CEP89: variants seen among roughly 807,000 people sequenced by gnomAD.
CEP89 encodes centrosomal protein of 89 kDa.
Under a neutral mutation model 97.6 loss-of-function variants are expected in CEP89, and 95 were observed. The observed-to-expected ratio is 0.97, with a 90% CI of 0.82 to 1.15. The LOEUF (loss-of-function observed/expected upper bound fraction) is 1.15, where lower values mean the gene tolerates loss of function less well. Among genes scored for constraint, CEP89 ranks in the 50% most tolerant of loss-of-function variants. The pLI, the probability that CEP89 is intolerant of heterozygous loss-of-function variation, is 0.00. For synonymous variants in CEP89, 354 were observed against 349.1 expected (o/e 1.01, Z -0.16); for missense variants, 869 against 947.7 (o/e 0.92, Z 1.09).
At position 32,954,031 on chromosome 19, in the gene CEP89, G is replaced by C. The variant is rs190772845; in HGVS notation, c.306-230C>G. ...CTACAGGTGCCCACCACCGCGCCTGGCTAATTTTTTTTTTTGTATTTTTAG... is the reference window on the plus strand; with the variant it reads ...CTACAGGTGCCCACCACCGCGCCTGCCTAATTTTTTTTTTTGTATTTTTAG... On this transcript the variant is annotated intron_variant, in intron 3 of 18. Transcript: ENST00000305768. 1.5e-4 allele frequency among the ~76,000 whole-genome samples: 23 copies of C among 152,026 alleles called. No individual in the cohort carries two copies. The East Asian group carries it at 4.5e-3, about 29-fold the overall frequency.
At chr19:32,895,998 T>C (rs1358683631) in intron 16 of CEP89, among the ~76,000 whole-genome samples, 2 of 152,218 alleles carry the variant, frequency 1.3e-5, no homozygotes. Flanking sequence ...CATCCCATGA[T>C]CATGGATGCG....
At chr19:32,931,645 C>A in intron 8 of CEP89, 74 bp from the exon 9 acceptor site, 1 of 1,299,562 alleles carries the variant, frequency 7.7e-7, no homozygotes, top group South Asian at 1.4e-5. Flanking sequence ...AATTGCAAAT[C>A]GTTTGCTTTT....
rs190190092 is a variant in CEP89, at chr19:32,918,582, T to C, written c.1269-243A>G. ...GCTTTCAGATGTAAAATTTCAAACA[T>C]GTACAGAAGTAAAGAGGATAGAGTA... is the stretch of plus-strand genomic sequence containing the variant. On this transcript the variant is annotated intron_variant, in intron 12 of 18. Transcript: ENST00000305768. 4.6e-3 allele frequency among the ~76,000 whole-genome samples: 699 copies of C among 152,252 alleles called. 4 individuals are homozygous for C. The highest frequency in any genetic ancestry group is 0.016 in the African/African-American group (678 of 41,560).
chr19:32,933,545 C>T lies in CEP89; in HGVS notation c.792G>A (p.Met264Ile), dbSNP rs773167783. Reference sequence around the variant, plus strand: ...ACTGTAGTTCTTTCATTGCTTGTTTCATTGTGTTTAGTTCAAGGGTAAGGC... The same window carrying T: ...ACTGTAGTTCTTTCATTGCTTGTTTTATTGTGTTTAGTTCAAGGGTAAGGC... ...NQSLTLELNT[M>I]KQAMKELQLK... Residue 264 changes from methionine (M) to isoleucine (I), a missense_variant, in exon 8 of 19, where the codon ATG (methionine) becomes ATA (isoleucine). Met to Ile is a conservative substitution (Grantham distance 10). Coordinates refer to ENST00000305768, the MANE Select transcript of CEP89 (RefSeq NM_032816.5). The T allele has an allele frequency of 1.2e-6, 2 of 1,613,632 alleles. No homozygotes were observed. The highest frequency in any genetic ancestry group is 3.3e-5 in the Admixed American group (2 of 59,980).
Position 32,967,186 on chromosome 19 carries a change from T to C in CEP89, c.40-720A>G, listed in dbSNP as rs189592159. On this transcript the variant is annotated intron_variant, in intron 1 of 18. Transcript: ENST00000305768. ...ATTGAGCACATTGCCTCACACCTCATAGGGGCTTAATATAAGCTTTTAGGT... is the reference window on the plus strand; with the variant it reads ...ATTGAGCACATTGCCTCACACCTCACAGGGGCTTAATATAAGCTTTTAGGT... 1.6e-4 allele frequency among the ~76,000 whole-genome samples: 24 copies of C among 152,248 alleles called. No homozygotes were observed. In the East Asian group the frequency reaches 4.1e-3, roughly 26 times the overall value.
At chr19:32,953,864 T>TAA in intron 3 of CEP89, 63 bp from the exon 4 acceptor site, 1 of 925,256 alleles carries the variant, frequency 1.1e-6, no homozygotes, top group Non-Finnish European at 1.6e-6. Context: ...CACTGATAAA[T>TAA]ATCTTTTTTT....
intron 14 of CEP89, among the ~76,000 whole-genome samples, chr19:32,909,670 A>G (rs1205784738): frequency 6.6e-6 from 1 of 152,244 alleles, no homozygotes; most frequent in Non-Finnish European, 1.5e-5. Flanking sequence ...AATTTAAAAA[A>G]TATCACAAGG....
In CEP89 at chr19:32,933,461, C is replaced by T. The variant is rs777432263; in HGVS notation, c.876G>A (p.Ser292=). 28 of 1,613,308 alleles carry T rather than the reference C, an allele frequency of 1.7e-5. No individual in the cohort carries two copies. Among genetic ancestry groups the T allele is most frequent in the Middle Eastern group, 1.6e-4 (1 of 6,078 alleles). ...KRKLKEAEKA[S]SQEVAAPELL... ...TCTGTCTGTCCCCACCTTCCTGTGA[C>T]GACGCCTTCTCAGCCTCTTTGAGCT... Residue 292 remains serine, a synonymous_variant, in exon 8 of 19, where the codon TCG becomes TCA. Coordinates refer to ENST00000305768, the MANE Select transcript of CEP89 (RefSeq NM_032816.5).
chr19:32,901,495 T>A, intron 14 of CEP89, 83 bp from the exon 15 acceptor site: 2 of 1,415,922 alleles, frequency 1.4e-6, no homozygotes, highest in African/African-American at 2.9e-5. Flanking sequence ...AGATGAGTGA[T>A]AACAGCCCAG....
chr19:32,959,101 C>G (rs996733449), intron 3 of CEP89, among the ~76,000 whole-genome samples: 1 of 151,946 alleles, frequency 6.6e-6, no homozygotes, highest in Non-Finnish European at 1.5e-5. Context: ...CATCCCTGCC[C>G]CATGCACCCT....
chr19:32,884,189 T>C (rs1211103616), intron 17 of CEP89, among the ~76,000 whole-genome samples: 1 of 152,210 alleles, frequency 6.6e-6, no homozygotes, highest in African/African-American at 2.4e-5. Context: ...TCTCCCCCTT[T>C]TTTTTGGTGT....
chr19:32,890,009 T>A (rs1201533907), intron 16 of CEP89, among the ~76,000 whole-genome samples: 1 of 152,022 alleles, frequency 6.6e-6, no homozygotes, highest in African/African-American at 2.4e-5. Context: ...CCATGCTGTG[T>A]CAAAGTCAAA....
chr19:32,967,703 C>A (rs1013767455), intron 1 of CEP89, among the ~76,000 whole-genome samples: 1 of 152,170 alleles, frequency 6.6e-6, no homozygotes, highest in African/African-American at 2.4e-5. Context: ...CAGAGATGCC[C>A]ACTGGTCCCA....
chr19:32,943,724 A>G (rs774612594), intron 5 of CEP89, among the ~76,000 whole-genome samples: 1 of 152,130 alleles, frequency 6.6e-6, no homozygotes, highest in Non-Finnish European at 1.5e-5. Flanking sequence ...GCACAGGTCC[A>G]GTGGCAGGAA....
chr19:32,969,947 C>T (rs1256179427), intron 1 of CEP89: 1 of 152,220 alleles, frequency 6.6e-6, no homozygotes, highest in African/African-American at 2.4e-5. Flanking sequence ...ACGGGGCTTC[C>T]ACCGGCTCCA....
intron 14 of CEP89, among the ~76,000 whole-genome samples, chr19:32,910,265 C>CAGAGAGAGAGAGAGAGAGAGAGAG (rs71336978): frequency 7.1e-6 from 1 of 140,570 alleles, no homozygotes; most frequent in African/African-American, 2.7e-5. Flanking sequence ...GACTCTGCCT[C>CAGAGAGAGAGAGAGAGAGAGAGAG]AGAGAGAGAG....
At chr19:32,937,133 A>AT (rs1300087690) in intron 7 of CEP89, 2 of 154,804 alleles carry the variant, frequency 1.3e-5, no homozygotes, top group African/African-American at 4.8e-5. Flanking sequence ...AACAGCAAAA[A>AT]TTATAACCTC....
At position 32,892,202 on chromosome 19, in the gene CEP89, C is replaced by CATATATAT. The variant is rs71336973; in HGVS notation, c.1876-4369_1876-4362dup. Reference sequence around the variant, plus strand: ...TATATATTTAGAATATATATTTAGACATATATATATATATATATATATATA... The same window carrying CATATATAT: ...TATATATTTAGAATATATATTTAGACATATATATATATATATATATATATATATATATA... On this transcript the variant is annotated intron_variant, in intron 16 of 18. Coordinates refer to ENST00000305768, the MANE Select transcript of CEP89 (RefSeq NM_032816.5). Among the ~76,000 whole-genome samples, 60 of 115,020 alleles carry CATATATAT rather than the reference C, an allele frequency of 5.2e-4. 1 individual carries two copies. Among genetic ancestry groups the CATATATAT allele is most frequent in the East Asian group, 1.1e-3 (3 of 2,812 alleles). 75.5% of individuals were successfully genotyped at this position (115,020 alleles called of 152,430 possible). A position where few individuals can be genotyped will look rare whatever the true frequency, so the allele number is the denominator to read the frequency against.
At chr19:32,946,224 C>CAT (rs1970794643) in intron 5 of CEP89, among the ~76,000 whole-genome samples, 1 of 152,160 alleles carries the variant, frequency 6.6e-6, no homozygotes. Flanking sequence ...ATCTCAGCCT[C>CAT]CTGCATAGCT....
Sources: allele counts gnomAD v4.1 joint callset (sites outside exome capture counted in the v4.1 genomes callset), GRCh38; gene constraint gnomAD v4.1.1; transcripts MANE v1.5; gene names NCBI Gene and HGNC (gene_info 2026-07-23, HGNC 2026-07-21).